The following GPC5 variants were observed in gnomAD, a reference collection of about 807,000 sequenced individuals.
GPC5 encodes glypican 5.
A neutral mutation model predicts 53.9 loss-of-function variants in GPC5; 47 were observed. The observed-to-expected ratio is 0.87, with a 90% confidence interval of 0.69 to 1.11. GPC5 has a LOEUF of 1.11. GPC5 is among the 50% of genes most tolerant of loss of function. GPC5 has a pLI of 0.00. For missense variants in GPC5, 748 were observed against 713.1 expected, an observed-to-expected ratio of 1.05 and a Z score of -0.56; for synonymous variants, 286 against 263.3, an observed-to-expected ratio of 1.09 and a Z score of -0.84.
intron 7 of GPC5, among the ~76,000 whole-genome samples, chr13:92,207,867 A>G (rs991296821): frequency 3.3e-5 from 5 of 152,128 alleles, no homozygotes; most frequent in African/African-American, 1.2e-4. Flanking sequence ...TTTATCTACC[A>G]CTAGGTATGC....
At chr13:92,859,501 G>A (rs1416772481) in intron 7 of GPC5, among the ~76,000 whole-genome samples, 1 of 151,638 alleles carries the variant, frequency 6.6e-6, no homozygotes, top group Admixed American at 6.6e-5. Flanking sequence ...ACCTAAATAA[G>A]ATATAAAATT....
At chr13:92,157,270 G>T (rs2041951551) in intron 7 of GPC5, among the ~76,000 whole-genome samples, 1 of 152,200 alleles carries the variant, frequency 6.6e-6, no homozygotes, top group Non-Finnish European at 1.5e-5. Context: ...TATTCAAGAT[G>T]ATTACAGTAG....
intron 2 of GPC5, among the ~76,000 whole-genome samples, chr13:91,503,738 C>T (rs1194398067): frequency 2.0e-5 from 3 of 149,782 alleles, no homozygotes; most frequent in East Asian, 2.0e-4. Context: ...CAAGATCATA[C>T]CATTGCACTC....
chr13:91,603,073 T>G (rs2033232443), intron 2 of GPC5, among the ~76,000 whole-genome samples: 1 of 152,202 alleles, frequency 6.6e-6, no homozygotes, highest in Admixed American at 6.5e-5. Flanking sequence ...CATGTAATAT[T>G]GTGAGAAAAG....
At chr13:91,489,024 A>G (rs1037172381) in intron 2 of GPC5, among the ~76,000 whole-genome samples, 4 of 152,164 alleles carry the variant, frequency 2.6e-5, no homozygotes, top group African/African-American at 9.7e-5. Flanking sequence ...GGCCGAGGAA[A>G]TTCCCACCTA....
chr13:91,973,695 C>T lies in GPC5; in HGVS notation c.1401+65638C>T, dbSNP rs568293834. ...AGTTTTCCTTCTAACAGACAGGACC[C>T]TCAGCTGCAGGTCTGTTGGAGTTTG... On this transcript the variant is annotated intron_variant, in intron 6 of 7. Transcript: ENST00000377067. 9.2e-5 allele frequency among the ~76,000 whole-genome samples: 14 copies of T among 152,276 alleles called. No homozygotes were observed. In the South Asian group the frequency reaches 2.7e-3, roughly 29 times the overall value.
chr13:91,464,242 G>C (rs1187899119), intron 2 of GPC5, among the ~76,000 whole-genome samples: 1 of 152,076 alleles, frequency 6.6e-6, no homozygotes, highest in African/African-American at 2.4e-5. Context: ...TTGTTGACAA[G>C]GATGTAGAGA....
At chr13:92,236,691 T>A (rs1166850972) in intron 7 of GPC5, among the ~76,000 whole-genome samples, 1 of 152,190 alleles carries the variant, frequency 6.6e-6, no homozygotes, top group Non-Finnish European at 1.5e-5. Context: ...AAGTTTCAAT[T>A]CAGTGCATAT....
chr13:92,352,922 T>A (rs2043491303), intron 7 of GPC5, among the ~76,000 whole-genome samples: 1 of 152,056 alleles, frequency 6.6e-6, no homozygotes, highest in Non-Finnish European at 1.5e-5. Context: ...AAAAATAATA[T>A]TGATGGTGGT....
intron 1 of GPC5, among the ~76,000 whole-genome samples, chr13:91,434,081 G>A (rs1206576117): frequency 3.9e-5 from 6 of 152,034 alleles, no homozygotes; most frequent in Non-Finnish European, 5.9e-5. Flanking sequence ...GTTGGAGTTT[G>A]TTGTAGATTC....
chr13:91,849,020 G>A (rs1199276605), intron 5 of GPC5, among the ~76,000 whole-genome samples: 3 of 152,112 alleles, frequency 2.0e-5, no homozygotes, highest in East Asian at 1.9e-4. Flanking sequence ...AGGGCAGATC[G>A]ACAACTGCCG....
chr13:92,388,599 A>T (rs1423783239), intron 7 of GPC5, among the ~76,000 whole-genome samples: 1 of 152,138 alleles, frequency 6.6e-6, no homozygotes, highest in East Asian at 1.9e-4. Context: ...AATACACACC[A>T]TGAGGAACCA....
intron 6 of GPC5, among the ~76,000 whole-genome samples, chr13:91,952,209 A>G (rs72633746): frequency 0.014 from 739 of 52,378 alleles, no homozygotes; most frequent in Non-Finnish European, 0.032. Flanking sequence ...GTGTGTGTGT[A>G]TGTATTTGTG....
chr13:91,941,784 T>C (rs1055318880), intron 6 of GPC5, among the ~76,000 whole-genome samples: 5 of 152,202 alleles, frequency 3.3e-5, no homozygotes, highest in African/African-American at 1.2e-4. Flanking sequence ...AATAGTAGTA[T>C]TTATTTGTAA....
chr13:91,803,059 G>A (rs1046499239), intron 5 of GPC5, among the ~76,000 whole-genome samples: 2 of 152,064 alleles, frequency 1.3e-5, no homozygotes, highest in African/African-American at 2.4e-5. Context: ...AAAATAATCT[G>A]TTGCAAGTAC....
intron 7 of GPC5, among the ~76,000 whole-genome samples, chr13:92,411,782 C>T (rs1876053110): frequency 6.6e-6 from 1 of 152,040 alleles, no homozygotes. Flanking sequence ...TATATAAATC[C>T]ATATGTAAAT....
chr13:92,761,207 G>A (rs898317268), intron 7 of GPC5, among the ~76,000 whole-genome samples: 1 of 152,072 alleles, frequency 6.6e-6, no homozygotes, highest in Non-Finnish European at 1.5e-5. Flanking sequence ...GCTCAGGCTG[G>A]GGTGCAGTGG....
intron 2 of GPC5, among the ~76,000 whole-genome samples, chr13:91,535,938 T>C (rs1247208962): frequency 6.6e-6 from 1 of 152,224 alleles, no homozygotes; most frequent in African/African-American, 2.4e-5. Flanking sequence ...CTTAAATAAA[T>C]AGCTAATGCT....
intron 7 of GPC5, among the ~76,000 whole-genome samples, chr13:92,412,236 A>T (rs934334330): frequency 1.3e-4 from 20 of 152,172 alleles, no homozygotes; most frequent in Non-Finnish European, 1.9e-4. Flanking sequence ...CATTGAATTC[A>T]TTGGTTCTTT....
Sources: gnomAD v4.1 joint callset for allele counts (sites outside exome capture counted in the v4.1 genomes callset) on GRCh38, gnomAD v4.1.1 for gene constraint, MANE v1.5 for transcripts, NCBI Gene and HGNC (gene_info 2026-07-23, HGNC 2026-07-21) for gene names.